LEMD1: variants seen among roughly 807,000 people sequenced by gnomAD.
LEMD1 encodes LEM domain containing 1, also known as LEM domain-containing protein 1.
A neutral mutation model predicts 17.4 loss-of-function variants in LEMD1; 18 were observed. That is an observed-to-expected ratio of 1.04 (90% CI 0.72 to 1.54). The LOEUF (loss-of-function observed/expected upper bound fraction) is 1.54, where lower values mean the gene tolerates loss of function less well. LEMD1 is among the 40% of genes most tolerant of loss of function. The pLI is 0.00. For synonymous variants in LEMD1, 88 were observed against 77.8 expected (o/e 1.13, Z -0.69); for missense variants, 195 against 210.4 (o/e 0.93, Z 0.45).
intron 4 of LEMD1, among the ~76,000 whole-genome samples, chr1:205,395,800 A>G (rs945850113): frequency 6.6e-6 from 1 of 152,172 alleles, no homozygotes; most frequent in Non-Finnish European, 1.5e-5. Context: ...AGAAAAAGGT[A>G]AACAACCTAA....
At chr1:205,412,781 T>C (rs543237631) in intron 4 of LEMD1, among the ~76,000 whole-genome samples, 5 of 152,344 alleles carry the variant, frequency 3.3e-5, no homozygotes, top group Admixed American at 2.6e-4. Flanking sequence ...AAACTTCCTA[T>C]TTAATTCTAT....
At chr1:205,419,768 A>G (rs1665877070) in intron 2 of LEMD1, among the ~76,000 whole-genome samples, 1 of 152,132 alleles carries the variant, frequency 6.6e-6, no homozygotes, top group Non-Finnish European at 1.5e-5. Context: ...GCCCTGCCCA[A>G]TTACGGCTTT....
At chr1:205,419,404 G>C (rs762289341) in intron 2 of LEMD1, 52 bp from the exon 3 acceptor site, 1 of 1,587,912 alleles carries the variant, frequency 6.3e-7, no homozygotes, top group Non-Finnish European at 8.6e-7. Flanking sequence ...TTGTATATGA[G>C]CCTACTAGGT....
chr1:205,438,727 C>T (rs541125044), intron 1 of LEMD1, among the ~76,000 whole-genome samples: 9 of 152,194 alleles, frequency 5.9e-5, no homozygotes, highest in African/African-American at 2.2e-4. Flanking sequence ...ACAACTGGAC[C>T]TCCACTCAGA....
intron 4 of LEMD1, among the ~76,000 whole-genome samples, chr1:205,406,464 T>A (rs1040417241): frequency 1.3e-5 from 2 of 152,234 alleles, no homozygotes; most frequent in African/African-American, 4.8e-5. Flanking sequence ...CTCAGACTGC[T>A]GTGCTAGCAA....
At chr1:205,416,999 A>T (rs959476997) in intron 3 of LEMD1, among the ~76,000 whole-genome samples, 1 of 152,142 alleles carries the variant, frequency 6.6e-6, no homozygotes, top group Non-Finnish European at 1.5e-5. Flanking sequence ...CCGCCACTAC[A>T]AGCCCATTCC....
At chr1:205,419,168 A>C (rs1665836586) in intron 3 of LEMD1, 62 bp downstream of exon 3, 1 of 1,580,858 alleles carries the variant, frequency 6.3e-7, no homozygotes, top group African/African-American at 1.4e-5. Context: ...TGCATAAATC[A>C]TGCTGGACAA....
intron 5 of LEMD1, chr1:205,382,289 A>C (rs771184137): frequency 2.9e-5 from 5 of 173,132 alleles, no homozygotes; most frequent in Non-Finnish European, 6.1e-5. Context: ...CTCTACAAAA[A>C]ATATAAAAAT....
Position 205,429,420 on chromosome 1 carries a change from C to T in LEMD1, c.-38-8846G>A, listed in dbSNP as rs555035752. Among the ~76,000 whole-genome samples, 14 of 152,250 alleles carry T rather than the reference C, an allele frequency of 9.2e-5. No homozygotes were observed. In the South Asian group the frequency reaches 2.3e-3, roughly 25 times the overall value. ...TTTGTGGCTTGGCTCATTTCAATGC[C>T]GCATTGTGTCAGGCAGATATGAGGG... is the stretch of plus-strand genomic sequence containing the variant. On this transcript the variant is annotated intron_variant, in intron 1 of 3. Coordinates refer to the LEMD1 transcript ENST00000367154.
At chr1:205,429,752 A>G (rs1042802713) in intron 1 of LEMD1, among the ~76,000 whole-genome samples, 1 of 150,548 alleles carries the variant, frequency 6.6e-6, no homozygotes, top group African/African-American at 2.5e-5. Context: ...TTACCCGAGA[A>G]GGGCATTTTT....
At chr1:205,440,928 C>G in intron 1 of LEMD1, 1 of 152,366 alleles carries the variant, frequency 6.6e-6, no homozygotes, top group African/African-American at 2.4e-5. Context: ...GTTCTGATCA[C>G]ACCGCCGTCT....
intron 4 of LEMD1, among the ~76,000 whole-genome samples, chr1:205,393,389 A>G (rs1223713739): frequency 6.7e-6 from 1 of 149,182 alleles, no homozygotes; most frequent in African/African-American, 2.4e-5. Flanking sequence ...AAAAAAAAAA[A>G]GGAAGACCGG....
At chr1:205,404,525 C>T (rs576948223) in intron 4 of LEMD1, among the ~76,000 whole-genome samples, 1 of 152,014 alleles carries the variant, frequency 6.6e-6, no homozygotes, top group African/African-American at 2.4e-5. Context: ...GATTGCAACC[C>T]CTGCCTTTTT....
chr1:205,414,461 A>G (rs987706806), intron 4 of LEMD1, among the ~76,000 whole-genome samples: 1 of 151,034 alleles, frequency 6.6e-6, no homozygotes, highest in Non-Finnish European at 1.5e-5. Flanking sequence ...GTCTCATGCT[A>G]TTGCCCAGGC....
chr1:205,443,215 C>A (rs942769405), intron 1 of LEMD1, among the ~76,000 whole-genome samples: 5 of 152,096 alleles, frequency 3.3e-5, no homozygotes, highest in Non-Finnish European at 7.4e-5. Context: ...AAGGAACTCC[C>A]AACTAAAACA....
At chr1:205,394,776 C>A (rs1048901858) in intron 4 of LEMD1, among the ~76,000 whole-genome samples, 6 of 151,958 alleles carry the variant, frequency 3.9e-5, no homozygotes, top group African/African-American at 1.4e-4. Flanking sequence ...ATCACGAGGT[C>A]AGGAGTTTGA....
intron 4 of LEMD1, among the ~76,000 whole-genome samples, chr1:205,391,298 G>C (rs569773416): frequency 6.6e-6 from 1 of 151,984 alleles, no homozygotes; most frequent in African/African-American, 2.4e-5. Flanking sequence ...AAGATATAGA[G>C]AGAAGGTCCA....
chr1:205,393,014 C>T (rs2102360424), intron 4 of LEMD1, among the ~76,000 whole-genome samples: 1 of 152,226 alleles, frequency 6.6e-6, no homozygotes, highest in East Asian at 1.9e-4. Flanking sequence ...GAGGCTGAGG[C>T]AGGTGGACTG....
chr1:205,400,561 A>T (rs1664793910), intron 4 of LEMD1, among the ~76,000 whole-genome samples: 1 of 152,220 alleles, frequency 6.6e-6, no homozygotes, highest in African/African-American at 2.4e-5. Context: ...CACCCTTGTG[A>T]TGTGATACAA....
Sources: allele counts gnomAD v4.1 joint callset (sites outside exome capture counted in the v4.1 genomes callset), GRCh38; gene constraint gnomAD v4.1.1; transcripts MANE v1.5; gene names NCBI Gene and HGNC (gene_info 2026-07-23, HGNC 2026-07-21).